IFT122: variants seen among roughly 807,000 people sequenced by gnomAD.
The protein encoded by IFT122 is intraflagellar transport 122.
In IFT122, 118 loss-of-function variants were observed where a neutral mutation model predicts 161.6. The observed-to-expected ratio is 0.73, with a 90% CI of 0.63 to 0.85. The LOEUF (loss-of-function observed/expected upper bound fraction) is 0.85, where lower values mean the gene tolerates loss of function less well. Ranked by LOEUF, IFT122 falls within the 40% of genes least tolerant of loss-of-function variation. The pLI is 0.00. For synonymous variants in IFT122, 550 were observed against 602.4 expected, an observed-to-expected ratio of 0.91 and a Z score of 1.27; for missense variants, 1,381 against 1,579.6, an observed-to-expected ratio of 0.87 and a Z score of 2.13.
chr3:129,489,715 T>C (rs918234394), intron 16 of IFT122, among the ~76,000 whole-genome samples: 1 of 151,908 alleles, frequency 6.6e-6, no homozygotes, highest in Non-Finnish European at 1.5e-5. Flanking sequence ...GGCAGGCGCC[T>C]GTAGTCCCAG....
chr3:129,484,338 G>A (rs748916663), intron 15 of IFT122, among the ~76,000 whole-genome samples: 4 of 152,132 alleles, frequency 2.6e-5, no homozygotes, highest in Admixed American at 6.5e-5. Context: ...AAACAGAGAC[G>A]TGCATAGCGA....
At chr3:129,469,127 C>T (rs1230625288) in intron 8 of IFT122, among the ~76,000 whole-genome samples, 1 of 152,230 alleles carries the variant, frequency 6.6e-6, no homozygotes, top group East Asian at 1.9e-4. Flanking sequence ...CTCAGTGAAA[C>T]AGCAGATCCC....
chr3:129,487,702 G>A (rs1174554191), intron 15 of IFT122: 3 of 184,326 alleles, frequency 1.6e-5, no homozygotes, highest in South Asian at 1.1e-4. Context: ...CATTGTGTCA[G>A]CAAACGTAGA....
intron 5 of IFT122, among the ~76,000 whole-genome samples, chr3:129,461,976 C>G (rs534349736): frequency 1.3e-5 from 2 of 152,090 alleles, no homozygotes; most frequent in African/African-American, 4.8e-5. Context: ...AGTCTGTGTT[C>G]GTTGCTAGTG....
intron 19 of IFT122, 117 bp from the exon 20 acceptor site, chr3:129,502,594 C>A (rs2081700298): frequency 1.7e-6 from 2 of 1,163,082 alleles, no homozygotes; most frequent in Non-Finnish European, 2.6e-6. Flanking sequence ...ACCCACTGAG[C>A]AACTCCCATG....
intron 1 of IFT122, among the ~76,000 whole-genome samples, chr3:129,446,506 C>T (rs778053201): frequency 3.3e-5 from 5 of 152,114 alleles, no homozygotes; most frequent in Admixed American, 6.5e-5. Context: ...TGAGCCACCG[C>T]GCCCGGCCGA....
At chr3:129,461,163 T>A in intron 4 of IFT122, 65 bp from the exon 5 acceptor site, 1 of 1,325,360 alleles carries the variant, frequency 7.5e-7, no homozygotes, top group Non-Finnish European at 1.1e-6. Flanking sequence ...ATTAAAATCT[T>A]CAGTTGTAGC....
intron 29 of IFT122, 128 bp from the exon 30 acceptor site, chr3:129,520,048 T>C: frequency 1.3e-6 from 1 of 777,528 alleles, no homozygotes; most frequent in Non-Finnish European, 2.2e-6. Context: ...ACAAAGGTGC[T>C]GCAGGTCTGT....
chr3:129,450,860 A>G (rs1331033689), intron 2 of IFT122, among the ~76,000 whole-genome samples: 1 of 151,116 alleles, frequency 6.6e-6, no homozygotes, highest in Non-Finnish European at 1.5e-5. Context: ...AGCTGGGACT[A>G]CAGGCGCCTG....
chr3:129,520,364 C>A lies in IFT122; in HGVS notation c.*99C>A. The A allele has an allele frequency of 1.0e-6, 1 of 995,666 alleles. No homozygotes were observed. Among genetic ancestry groups the A allele is most frequent in the Non-Finnish European group, 1.5e-6 (1 of 652,676 alleles). 61.7% of individuals were successfully genotyped at this position (995,666 alleles called of 1,614,324 possible). ...TAAACTGTCAGAATGTGTTTCTTGCCCAGATGAAGTTTGTGTTTTGTGGGG... is the reference window on the plus strand; with the variant it reads ...TAAACTGTCAGAATGTGTTTCTTGCACAGATGAAGTTTGTGTTTTGTGGGG... On this transcript the variant is annotated 3_prime_UTR_variant, in exon 30 of 30. Transcript: ENST00000348417.
chr3:129,475,249 A>G (rs949229334), intron 9 of IFT122, among the ~76,000 whole-genome samples: 2 of 152,236 alleles, frequency 1.3e-5, no homozygotes, highest in African/African-American at 4.8e-5. Flanking sequence ...CGCACTCACT[A>G]AAATGGAGAA....
At chr3:129,485,866 G>A (rs2079213499) in intron 15 of IFT122, among the ~76,000 whole-genome samples, 2 of 152,262 alleles carry the variant, frequency 1.3e-5, no homozygotes, top group South Asian at 2.1e-4. Flanking sequence ...CAAGACAAAG[G>A]CTGTTCATCT....
At chr3:129,512,532 C>A in intron 24 of IFT122, 120 bp downstream of exon 24, 1 of 806,522 alleles carries the variant, frequency 1.2e-6, no homozygotes, top group Non-Finnish European at 2.2e-6. Flanking sequence ...TCAGGGAAGA[C>A]AGAGAACTCA....
chr3:129,515,131 A>C (rs886809698), intron 25 of IFT122: 2 of 424,888 alleles, frequency 4.7e-6, no homozygotes, highest in Non-Finnish European at 8.8e-6. Flanking sequence ...GGTAGTTGTG[A>C]GGCTAAATGA....
chr3:129,479,872 G>C lies in IFT122; in HGVS notation c.1438G>C (p.Gly480Arg). 6.2e-7 allele frequency: 1 copy of C among 1,614,006 alleles called. No homozygotes were observed. The highest frequency in any genetic ancestry group is 8.5e-7 in the Non-Finnish European group (1 of 1,179,996). ...TCTCATTCGTTACATCAAGGTGATC[G>C]GTGGCCCTCCTGGAAGAGAAGGCCT... ...ESLIRYIKVI[G>R]GPPGREGLLV... Residue 480 changes from glycine to arginine, a missense_variant, in exon 13 of 30, where the codon GGT (glycine) becomes CGT (arginine). By Grantham distance (125) the Gly-to-Arg change is moderately radical. Coordinates refer to ENST00000348417, the MANE Select transcript of IFT122 (RefSeq NM_052989.3).
chr3:129,492,341 G>A, intron 17 of IFT122, 147 bp downstream of exon 17: 2 of 751,052 alleles, frequency 2.7e-6, no homozygotes, highest in Non-Finnish European at 4.8e-6. Flanking sequence ...TTGCTCCGGG[G>A]GCAGAGTGGC....
At chr3:129,514,281 C>A in intron 24 of IFT122, 108 bp from the exon 25 acceptor site, 1 of 1,266,778 alleles carries the variant, frequency 7.9e-7, no homozygotes, top group Non-Finnish European at 1.1e-6. Flanking sequence ...TCTGCCTTCC[C>A]GGCACCAGCA....
rs887935696 is a variant in IFT122, at chr3:129,520,287, G to T, written c.*22G>T. ...ATGACCAGCATCCTGGGGACGGCCT[G>T]CACCCTCTGCCCGCCTTGGGGTCTG... On this transcript the variant is annotated 3_prime_UTR_variant, in exon 30 of 30. Transcript: ENST00000348417. 6.3e-7 allele frequency: 1 copy of T among 1,574,896 alleles called. No homozygotes were observed. Among genetic ancestry groups the T allele is most frequent in the South Asian group, 1.1e-5 (1 of 89,580 alleles).
intron 11 of IFT122, among the ~76,000 whole-genome samples, chr3:129,477,685 G>T (rs998446976): frequency 6.6e-6 from 1 of 152,192 alleles, no homozygotes; most frequent in African/African-American, 2.4e-5. Context: ...CAGAGGTGAG[G>T]TCAGTTACTT....
Sources: gnomAD v4.1 joint callset for allele counts (sites outside exome capture counted in the v4.1 genomes callset) on GRCh38, gnomAD v4.1.1 for gene constraint, MANE v1.5 for transcripts, NCBI Gene and HGNC (gene_info 2026-07-23, HGNC 2026-07-21) for gene names.